TJP1: variants seen among roughly 807,000 people sequenced by gnomAD.
TJP1 encodes the protein tight junction protein 1.
TJP1 carries 43 observed loss-of-function variants against 194.2 expected under a neutral mutation model. The observed-to-expected ratio is 0.22, with a 90% CI of 0.17 to 0.29. The LOEUF is 0.29. Ranked by LOEUF, TJP1 falls within the 10% of genes least tolerant of loss-of-function variation. The pLI, the probability that TJP1 is intolerant of heterozygous loss-of-function variation, is 1.00. For missense variants in TJP1, 1,971 were observed against 2,185.7 expected (o/e 0.90, Z 1.96); for synonymous variants, 801 against 779.0 (o/e 1.03, Z -0.47).
chr15:29,884,601 GAATT>G (rs1210508406), intron 2 of TJP1, among the ~76,000 whole-genome samples: 2 of 152,172 alleles, frequency 1.3e-5, no homozygotes, highest in African/African-American at 2.4e-5. Flanking sequence ...TAGAAAAGCA[GAATT>G]AATATTTCTA....
chr15:29,734,329 C>G lies in TJP1; in HGVS notation c.1461G>C (p.Leu487=). Residue 487 remains leucine (L), a synonymous_variant, in exon 12 of 28, where the codon CTG becomes CTC. Coordinates refer to ENST00000614355, the MANE Select transcript of TJP1 (RefSeq NM_001330239.4). ...CTTCTTCTCCTTTAGGGAGGTCAAG[C>G]AGGAAAAGGACGGCTTCTTCTCTTA... ...NIIREEAVLF[L]LDLPKGEEVT... is the part of the protein sequence containing the mutation. 1 of 1,613,396 alleles carries G rather than the reference C, an allele frequency of 6.2e-7. No homozygotes were observed. The highest frequency in any genetic ancestry group is 8.5e-7 in the Non-Finnish European group (1 of 1,179,846).
chr15:29,860,002 G>A (rs1467902773), intron 2 of TJP1, among the ~76,000 whole-genome samples: 2 of 152,032 alleles, frequency 1.3e-5, no homozygotes, highest in Non-Finnish European at 2.9e-5. Flanking sequence ...CTGAGGAACC[G>A]GGTTCAAAGC....
At chr15:29,732,977 A>G in intron 13 of TJP1, 117 bp downstream of exon 13, 1 of 1,276,548 alleles carries the variant, frequency 7.8e-7, no homozygotes, top group Non-Finnish European at 1.1e-6. Context: ...TCAGTTATAG[A>G]TACGTTGAAT....
chr15:29,741,371 C>A lies in TJP1; in HGVS notation c.1216G>T (p.Gly406Cys). 1 of 1,597,638 alleles carries A rather than the reference C, an allele frequency of 6.3e-7. No homozygotes were observed. The highest frequency in any genetic ancestry group is 1.4e-5 in the African/African-American group (1 of 73,638). ...TCATGAGTTGAATTAGGTAGGACAC[C>A]ATCAGATGGACTGACAGGTAAATCC... is the stretch of plus-strand genomic sequence containing the variant. ...DVDLPVSPSDGVLPNSTHEDG... is the reference protein window; with the variant it reads ...DVDLPVSPSDCVLPNSTHEDG... The change falls in exon 10 of 28, where the codon GGT becomes TGT. Residue 406 changes from glycine to cysteine, a missense_variant. Gly to Cys is a radical substitution (Grantham distance 159, BLOSUM62 -3). Transcript: ENST00000614355.
At chr15:29,807,490 T>C (rs560692620) in intron 1 of TJP1, among the ~76,000 whole-genome samples, 1 of 152,180 alleles carries the variant, frequency 6.6e-6, no homozygotes, top group Non-Finnish European at 1.5e-5. Flanking sequence ...TTTATTCAGG[T>C]AGACAGGAGG....
At chr15:29,746,466 A>C (rs997005433) in intron 8 of TJP1, among the ~76,000 whole-genome samples, 8 of 152,186 alleles carry the variant, frequency 5.3e-5, no homozygotes, top group Non-Finnish European at 1.0e-4. Context: ...GATACCATAT[A>C]GCTATTTAAA....
At chr15:29,873,328 T>C (rs2052589916) in intron 2 of TJP1, among the ~76,000 whole-genome samples, 1 of 152,176 alleles carries the variant, frequency 6.6e-6, no homozygotes, top group African/African-American at 2.4e-5. Flanking sequence ...TTTTAAAAAA[T>C]TGATTCTGGA....
chr15:29,844,824 A>G (rs112520341), intron 2 of TJP1, among the ~76,000 whole-genome samples: 3,426 of 152,268 alleles, frequency 0.022, 64 homozygotes, highest in Middle Eastern at 0.041. Context: ...ATAATCATCA[A>G]TTTAAGATGC....
intron 1 of TJP1, among the ~76,000 whole-genome samples, chr15:29,806,881 C>G (rs2049144974): frequency 6.6e-6 from 1 of 151,416 alleles, no homozygotes; most frequent in Admixed American, 6.6e-5. Flanking sequence ...ATAGAAATGT[C>G]CAGGAGGTAG....
Position 29,704,927 on chromosome 15 carries a change from G to T in TJP1, c.5068+601C>A, listed in dbSNP as rs148355881. Among the ~76,000 whole-genome samples the T allele has an allele frequency of 1.5e-3, 236 of 152,286 alleles. 5 individuals carry two copies. In the East Asian group the frequency reaches 0.038, roughly 25 times the overall value. ...AAATACAAAAAAGCGAACTAAATTT[G>T]TTTAGGAAGTAAAAGCACTGCTAAA... On this transcript the variant is annotated intron_variant, in intron 26 of 27. Coordinates refer to ENST00000614355, the MANE Select transcript of TJP1 (RefSeq NM_001330239.4).
At chr15:29,826,801 G>A (rs1368022925), upstream of TJP1, among the ~76,000 whole-genome samples, 3 of 152,246 alleles carry the variant, frequency 2.0e-5, no homozygotes, top group African/African-American at 7.2e-5. Context: ...CCCTAGGGCA[G>A]AAGGGCTTGC....
At chr15:29,886,434 T>C (rs1206679744) in intron 2 of TJP1, among the ~76,000 whole-genome samples, 1 of 151,504 alleles carries the variant, frequency 6.6e-6, no homozygotes, top group Admixed American at 6.6e-5. Flanking sequence ...AATCAAATGG[T>C]AAACAATTAC....
At chr15:29,817,652 C>A (rs891608552) in intron 1 of TJP1, among the ~76,000 whole-genome samples, 6 of 152,206 alleles carry the variant, frequency 3.9e-5, no homozygotes, top group Middle Eastern at 6.8e-3. Flanking sequence ...TACTATGCAG[C>A]CATAAAAAAG....
chr15:29,908,929 C>T (rs546910920), intron 2 of TJP1, among the ~76,000 whole-genome samples: 50 of 151,956 alleles, frequency 3.3e-4, no homozygotes, highest in African/African-American at 8.9e-4. Context: ...CCAAGGCGGG[C>T]GGATCACGAG....
chr15:29,813,833 C>T (rs1419031607), intron 1 of TJP1, among the ~76,000 whole-genome samples: 1 of 152,214 alleles, frequency 6.6e-6, no homozygotes, highest in African/African-American at 2.4e-5. Context: ...ACTGCTGCAT[C>T]TCCAGCACCT....
At chr15:29,750,810 G>A (rs912598254) in intron 8 of TJP1, among the ~76,000 whole-genome samples, 1 of 152,142 alleles carries the variant, frequency 6.6e-6, no homozygotes, top group African/African-American at 2.4e-5. Flanking sequence ...TTCATTAATT[G>A]CATAAGGTAG....
chr15:29,750,891 T>C (rs1326033066), intron 8 of TJP1, among the ~76,000 whole-genome samples: 3 of 152,228 alleles, frequency 2.0e-5, no homozygotes, highest in Non-Finnish European at 4.4e-5. Context: ...TTGGATTATC[T>C]CAACCACAAT....
In TJP1 at chr15:29,968,153, G is replaced by A. The variant is rs1213319351; in HGVS notation, c.173+514C>T. 7 of 985,344 alleles carry A rather than the reference G, an allele frequency of 7.1e-6. No homozygotes were observed. The Admixed American group carries it at 4.3e-4, about 61-fold the overall frequency. 61.0% of individuals were successfully genotyped at this position (985,344 alleles called of 1,614,324 possible). A position where few individuals can be genotyped will look rare whatever the true frequency, so the allele number is the denominator to read the frequency against. ...CTGGAACGCATGCAGGTGGAATACA[G>A]TCCCTGACAATGCAATAATAATTTC... On this transcript the variant is annotated intron_variant, in intron 1 of 28. Coordinates refer to the TJP1 transcript ENST00000356107.
intron 2 of TJP1, among the ~76,000 whole-genome samples, chr15:29,784,417 A>G (rs1253008991): frequency 6.6e-6 from 1 of 152,014 alleles, no homozygotes; most frequent in African/African-American, 2.4e-5. Flanking sequence ...CTCCTGCCTC[A>G]GCCTCCCAAG....
Sources: allele counts gnomAD v4.1 joint callset (sites outside exome capture counted in the v4.1 genomes callset), GRCh38; gene constraint gnomAD v4.1.1; transcripts MANE v1.5; gene names NCBI Gene and HGNC (gene_info 2026-07-23, HGNC 2026-07-21).